Variants in TMEM232 observed in about 807,000 individuals in gnomAD.
TMEM232 encodes the protein transmembrane protein 232.
Under a neutral mutation model 78.8 loss-of-function variants are expected in TMEM232, and 80 were observed. The observed-to-expected ratio is 1.01, with a 90% CI of 0.85 to 1.22. The LOEUF (loss-of-function observed/expected upper bound fraction) is 1.22, where lower values mean the gene tolerates loss of function less well. Among genes scored for constraint, TMEM232 ranks in the 50% most tolerant of loss-of-function variants. The probability of loss-of-function intolerance (pLI) is 0.00; values close to 1 mark genes in which losing one functional copy is unlikely to be tolerated. For synonymous variants in TMEM232, 297 were observed against 254.3 expected, an observed-to-expected ratio of 1.17 and a Z score of -1.60; for missense variants, 881 against 742.2, an observed-to-expected ratio of 1.19 and a Z score of -2.17.
chr5:110,631,481 G>A (rs1785124120), intron 5 of TMEM232, among the ~76,000 whole-genome samples: 1 of 152,094 alleles, frequency 6.6e-6, no homozygotes, highest in Non-Finnish European at 1.5e-5. Context: ...TGGTGGAGTG[G>A]CCTCTGTGTT....
chr5:110,711,423 T>C (rs1417161698), intron 1 of TMEM232, among the ~76,000 whole-genome samples: 1 of 152,178 alleles, frequency 6.6e-6, no homozygotes, highest in Non-Finnish European at 1.5e-5. Flanking sequence ...CTAAAATTTA[T>C]ATGAAACCAC....
Position 110,420,539 on chromosome 5 carries a change from A to G in TMEM232, c.*41T>C. On this transcript the variant is annotated 3_prime_UTR_variant, in exon 14 of 14. Transcript: ENST00000455884. ...ATTTTTCATCCTATGTATTTCTGCC[A>G]TGTAGTCCTCAATTTTGGGAGGTGA... is the stretch of plus-strand genomic sequence containing the variant. The G allele has an allele frequency of 7.8e-7, 1 of 1,284,880 alleles. No homozygotes were observed. The highest frequency in any genetic ancestry group is 1.0e-6 in the Non-Finnish European group (1 of 978,886). The allele number at this position is 1,284,880 out of a possible 1,614,324, so 79.6% of individuals were successfully genotyped here. A position where few individuals can be genotyped will look rare whatever the true frequency, so the allele number is the denominator to read the frequency against.
At chr5:110,690,507 C>A (rs1047542006) in intron 1 of TMEM232, among the ~76,000 whole-genome samples, 1 of 152,128 alleles carries the variant, frequency 6.6e-6, no homozygotes, top group Admixed American at 6.6e-5. Flanking sequence ...GAAATAGGAA[C>A]GCTTTTACAC....
Position 110,420,410 on chromosome 5 carries a change from A to C in TMEM232, c.*170T>G. On this transcript the variant is annotated 3_prime_UTR_variant, in exon 14 of 14. Coordinates refer to ENST00000455884, the MANE Select transcript of TMEM232 (RefSeq NM_001039763.4). ...AGTTGGTCATTAATTTAGAACTAAGAAATAACTATTAAACAAACAGCTTGT... is the reference window on the plus strand; with the variant it reads ...AGTTGGTCATTAATTTAGAACTAAGCAATAACTATTAAACAAACAGCTTGT... 1 of 489,794 alleles carries C rather than the reference A, an allele frequency of 2.0e-6. No homozygotes were observed. Among genetic ancestry groups the C allele is most frequent in the Non-Finnish European group, 3.4e-6 (1 of 290,860 alleles). 30.3% of individuals were successfully genotyped at this position (489,794 alleles called of 1,614,324 possible). A position where few individuals can be genotyped will look rare whatever the true frequency, so the allele number is the denominator to read the frequency against.
chr5:110,708,544 G>C (rs1018253209), intron 1 of TMEM232, among the ~76,000 whole-genome samples: 4 of 152,002 alleles, frequency 2.6e-5, no homozygotes, highest in African/African-American at 9.7e-5. Flanking sequence ...TTGAGACATA[G>C]ACAGTATAGT....
chr5:110,708,743 A>T (rs1796187818), intron 1 of TMEM232, among the ~76,000 whole-genome samples: 1 of 152,178 alleles, frequency 6.6e-6, no homozygotes, highest in African/African-American at 2.4e-5. Context: ...ACAAAAAATA[A>T]AAAGCAAGAA....
chr5:110,396,958 A>G (rs959608148), intron 3 of TMEM232, among the ~76,000 whole-genome samples: 6 of 152,184 alleles, frequency 3.9e-5, no homozygotes, highest in Non-Finnish European at 2.9e-5. Flanking sequence ...TCTGATAACT[A>G]GGAAGAGGCT....
rs73783641 is a variant in TMEM232, at chr5:110,561,099, A to G, written c.1455+7348T>C. On this transcript the variant is annotated intron_variant, in intron 11 of 13. Coordinates refer to ENST00000455884, the MANE Select transcript of TMEM232 (RefSeq NM_001039763.4). ...AAAATTTATGTAGTAAGAAATGTTA[A>G]CAATCCTTTTTATATTCTTGTTACC... is the stretch of plus-strand genomic sequence containing the variant. Among the ~76,000 whole-genome samples the G allele has an allele frequency of 2.7e-3, 417 of 152,264 alleles. 4 individuals carry two copies. Among genetic ancestry groups the G allele is most frequent in the African/African-American group, 9.6e-3 (399 of 41,562 alleles).
intron 12 of TMEM232, among the ~76,000 whole-genome samples, chr5:110,526,919 T>C (rs1481180050): frequency 2.0e-5 from 3 of 151,914 alleles, no homozygotes; most frequent in Admixed American, 1.3e-4. Context: ...GAAAAATTTA[T>C]CTGAAATGAG....
upstream of TMEM232, among the ~76,000 whole-genome samples, chr5:110,727,725 GT>G (rs757614129): frequency 6.6e-6 from 1 of 152,138 alleles, no homozygotes; most frequent in Non-Finnish European, 1.5e-5. Flanking sequence ...TCGGAATTAA[GT>G]TTTTTTGTTT....
chr5:110,568,482 C>T lies in TMEM232; in HGVS notation c.1420G>A (p.Asp474Asn). ...TTGATTGCATTTTGGATTCGTACAT[C>T]TTCCTCATAATCCTTTGTTTTCTGC... ...TLQKTKDYEE[D>N]VRIQNAINIA... The change falls in exon 11 of 14, where the codon GAT becomes AAT. Residue 474 changes from aspartate (D) to asparagine (N), a missense_variant. By Grantham distance (23) the Asp-to-Asn change is conservative. Transcript: ENST00000455884. The T allele has an allele frequency of 6.5e-7, 1 of 1,548,104 alleles. No homozygotes were observed. Among genetic ancestry groups the T allele is most frequent in the Non-Finnish European group, 8.7e-7 (1 of 1,145,192 alleles).
chr5:110,655,472 T>C (rs1788907625), intron 2 of TMEM232, among the ~76,000 whole-genome samples: 1 of 142,736 alleles, frequency 7.0e-6, no homozygotes, highest in African/African-American at 2.6e-5. Flanking sequence ...TGTAAACTAG[T>C]TCAACCATTG....
chr5:110,569,409 G>T (rs1776683742), intron 10 of TMEM232, among the ~76,000 whole-genome samples: 1 of 151,822 alleles, frequency 6.6e-6, no homozygotes, highest in South Asian at 2.1e-4. Context: ...AGATTTGGGA[G>T]AAATAAATTT....
At chr5:110,473,665 G>A (rs1580827419) in intron 12 of TMEM232, among the ~76,000 whole-genome samples, 1 of 151,176 alleles carries the variant, frequency 6.6e-6, no homozygotes, top group East Asian at 1.9e-4. Flanking sequence ...AAATCATTAT[G>A]TCAAATAGAT....
At chr5:110,516,405 A>G (rs555524563) in intron 12 of TMEM232, among the ~76,000 whole-genome samples, 13 of 152,304 alleles carry the variant, frequency 8.5e-5, no homozygotes, top group African/African-American at 3.1e-4. Context: ...CAGAAGTAAC[A>G]AAGTATAGAT....
intron 10 of TMEM232, among the ~76,000 whole-genome samples, chr5:110,596,695 A>C (rs939978054): frequency 9.2e-5 from 14 of 152,158 alleles, no homozygotes; most frequent in Non-Finnish European, 1.8e-4. Flanking sequence ...CCCTGGGATG[A>C]AAGGCTGGTT....
intron 3 of TMEM232, among the ~76,000 whole-genome samples, chr5:110,393,264 G>A (rs1755269582): frequency 6.6e-6 from 1 of 152,178 alleles, no homozygotes; most frequent in Non-Finnish European, 1.5e-5. Context: ...AAGTGTTGAT[G>A]TATCCAACAA....
chr5:110,429,062 T>C (rs1418521288), intron 12 of TMEM232, among the ~76,000 whole-genome samples: 1 of 151,786 alleles, frequency 6.6e-6, no homozygotes, highest in African/African-American at 2.4e-5. Flanking sequence ...GGGGAAGTTG[T>C]TATTAGGAGT....
intron 3 of TMEM232, among the ~76,000 whole-genome samples, chr5:110,397,507 A>G (rs1755434017): frequency 6.6e-6 from 1 of 152,138 alleles, no homozygotes; most frequent in African/African-American, 2.4e-5. Context: ...TATGAAAGAT[A>G]ATTGCCTTGA....
Sources: allele counts gnomAD v4.1 joint callset (sites outside exome capture counted in the v4.1 genomes callset), GRCh38; gene constraint gnomAD v4.1.1; transcripts MANE v1.5; gene names NCBI Gene and HGNC (gene_info 2026-07-23, HGNC 2026-07-21).